The following MYH7B variants were observed in gnomAD, a reference collection of about 807,000 sequenced individuals.
The protein encoded by MYH7B is myosin-7B.
In MYH7B, 205 loss-of-function variants were observed where a neutral mutation model predicts 234.5. The ratio of observed to expected loss-of-function variants is 0.87; its 90% CI spans 0.78 to 0.98. MYH7B has a LOEUF of 0.98. Among genes scored for constraint, MYH7B ranks in the 50% least tolerant of loss-of-function variants. The probability of loss-of-function intolerance (pLI) is 0.00; values close to 1 mark genes in which losing one functional copy is unlikely to be tolerated. For synonymous variants in MYH7B, 1,193 were observed against 1,105.0 expected (o/e 1.08, Z -1.58); for missense variants, 2,652 against 2,633.4 (o/e 1.01, Z -0.15).
At chr20:34,971,438 A>C (rs2081793149) in intron 2 of MYH7B, among the ~76,000 whole-genome samples, 1 of 145,368 alleles carries the variant, frequency 6.9e-6, no homozygotes, top group Non-Finnish European at 1.5e-5. Context: ...ATGCTGAGGC[A>C]TCTCTCCTCT....
At chr20:35,001,915 C>T (rs748599481) in intron 43 of MYH7B, 33 bp from the exon 44 acceptor site, 4 of 1,599,028 alleles carry the variant, frequency 2.5e-6, no homozygotes, top group Non-Finnish European at 3.4e-6. Flanking sequence ...CTCAGTCACC[C>T]AAGCGGAACC....
intron 38 of MYH7B, 134 bp from the exon 39 acceptor site, chr20:35,000,149 CCACAGGCAGT>C: frequency 1.8e-6 from 2 of 1,097,588 alleles, no homozygotes. Context: ...CTCTGATGGG[CCACAGGCAGT>C]CACAAGAGAC....
intron 2 of MYH7B, among the ~76,000 whole-genome samples, chr20:34,964,622 A>C (rs1162268052): frequency 6.6e-6 from 1 of 152,188 alleles, no homozygotes. Flanking sequence ...AGTGAAGCCA[A>C]AAGAGAATTC....
exon 39 of MYH7B, chr20:35,000,689 G>A (rs1373638233): frequency 3.1e-6 from 5 of 1,595,390 alleles, no homozygotes; most frequent in Non-Finnish European, 4.3e-6. Context: ...TGCATTCGCA[G>A]GTGGGGACAG....
intron 24 of MYH7B, 94 bp from the exon 25 acceptor site, chr20:34,993,008 C>G (rs188678783): frequency 0.013 from 19,605 of 1,481,404 alleles, 163 homozygotes; most frequent in Non-Finnish European, 0.016. Context: ...CCCTGCTACC[C>G]ACACGAGCCT....
Position 34,986,959 on chromosome 20 carries a change from G to A in MYH7B, c.978G>A (p.Met326Ile), listed in dbSNP as rs1306170919. The A allele has an allele frequency of 6.2e-7, 1 of 1,613,942 alleles. No homozygotes were observed. Among genetic ancestry groups the A allele is most frequent in the East Asian group, 2.2e-5 (1 of 44,890 alleles). ...AGGGCGTCATCACCGTGGACAACATGAATGATGGGGAGGAGCTCATCGCCA... is the reference window on the plus strand; with the variant it reads ...AGGGCGTCATCACCGTGGACAACATAAATGATGGGGAGGAGCTCATCGCCA... The change falls in exon 15 of 45, where the codon ATG becomes ATA. Residue 326 changes from methionine (M) to isoleucine (I), a missense_variant. Physicochemically the swap from Met to Ile is conservative, Grantham distance 10. Coordinates refer to ENST00000262873, the Ensembl canonical transcript of MYH7B.
At chr20:34,989,207 A>G (rs769530826) in intron 19 of MYH7B, among the ~76,000 whole-genome samples, 4 of 152,220 alleles carry the variant, frequency 2.6e-5, no homozygotes, top group African/African-American at 7.2e-5. Context: ...TAGTTCATGC[A>G]GTGGATGAGT....
chr20:34,963,683 C>G (rs1176637986), intron 2 of MYH7B, among the ~76,000 whole-genome samples: 1 of 152,186 alleles, frequency 6.6e-6, no homozygotes, highest in African/African-American at 2.4e-5. Context: ...TTTACACTTA[C>G]TTTTTCTAAG....
At chr20:34,980,665 A>G in exon 8 of MYH7B, 1 of 1,614,196 alleles carries the variant, frequency 6.2e-7, no homozygotes, top group Non-Finnish European at 8.5e-7. Flanking sequence ...TTACAAGGGA[A>G]AGCGCCGCTC....
chr20:34,991,121 G>C, exon 24 of MYH7B: 1 of 1,601,324 alleles, frequency 6.2e-7, no homozygotes, highest in South Asian at 1.1e-5. Flanking sequence ...TTCCGGCAGC[G>C]GTGGGTGACC....
At chr20:34,986,004 C>T in intron 13 of MYH7B, 96 bp from the exon 14 acceptor site, 1 of 1,079,404 alleles carries the variant, frequency 9.3e-7, no homozygotes, top group Non-Finnish European at 1.4e-6. Flanking sequence ...CCCCCCTGCA[C>T]ACTCCCTGCC....
chr20:34,957,921 T>C (rs2081657117), intron 1 of MYH7B, among the ~76,000 whole-genome samples, 177 bp from the exon 2 acceptor site: 1 of 152,174 alleles, frequency 6.6e-6, no homozygotes, highest in African/African-American at 2.4e-5. Flanking sequence ...CCCAGAACAA[T>C]GTTTCCTGAT....
In MYH7B at chr20:34,990,120, A is replaced by C. The variant is rs540555506; in HGVS notation, c.1874A>C (p.Tyr625Ser). 6.0e-5 allele frequency: 97 copies of C among 1,614,002 alleles called. No individual in the cohort carries two copies. Among genetic ancestry groups the C allele is most frequent in the Non-Finnish European group, 7.8e-5 (92 of 1,180,024 alleles). Residue 625 changes from tyrosine (Y) to serine (S), a missense_variant, in exon 21 of 45, where the codon TAT (tyrosine) becomes TCT (serine). Physicochemically the swap from Tyr to Ser is moderately radical, Grantham distance 144. Transcript: ENST00000262873. ...CAGAATAGGCTCCTGGCGACTCTCT[A>C]TGAGAATTATGCGGGCTCCTGCTCC...
chr20:34,982,396 C>A, intron 9 of MYH7B, 63 bp from the exon 10 acceptor site: 1 of 1,392,972 alleles, frequency 7.2e-7, no homozygotes, highest in Non-Finnish European at 1.0e-6. Context: ...AGGGGTGAGG[C>A]ATTGGGGGTG....
intron 26 of MYH7B, 27 bp downstream of exon 26, chr20:34,993,497 AG>A: frequency 1.3e-6 from 2 of 1,551,994 alleles, no homozygotes; most frequent in Non-Finnish European, 8.7e-7. Context: ...GGCTGGGGAC[AG>A]GGTGTGTCCC....
intron 2 of MYH7B, among the ~76,000 whole-genome samples, chr20:34,958,550 C>T (rs957327328): frequency 1.3e-5 from 2 of 152,200 alleles, no homozygotes; most frequent in African/African-American, 4.8e-5. Flanking sequence ...ACTGCAACCT[C>T]TGTCTCCTGG....
rs201573745 is a variant in MYH7B at position 34,979,661 on chromosome 20, G to A, written c.199G>A (p.Val67Met). 153 of 1,614,144 alleles carry A rather than the reference G, an allele frequency of 9.5e-5. 2 individuals carry two copies. The East Asian group carries it at 2.6e-3, about 27-fold the overall frequency. ...GCCCCTGACACGATCTCCCTGGTAG[G>A]TGCTGATGGTGCGTGAAGCCGAGCT... The change falls in exon 7 of 45, where the codon GTG (valine) becomes ATG (methionine). Residue 67 changes from valine (V) to methionine (M), a missense_variant and splice_region_variant. By Grantham distance (21) the Val-to-Met change is conservative (BLOSUM62 1). Coordinates refer to ENST00000262873, the Ensembl canonical transcript of MYH7B.
exon 24 of MYH7B, chr20:34,991,004 G>C (rs1307550955): frequency 1.2e-6 from 2 of 1,610,918 alleles, no homozygotes; most frequent in South Asian, 1.1e-5. Flanking sequence ...TCACGTCCAG[G>C]GGTCATGGAT....
At chr20:34,969,015 G>C (rs1417584858) in intron 2 of MYH7B, among the ~76,000 whole-genome samples, 3 of 152,206 alleles carry the variant, frequency 2.0e-5, no homozygotes, top group Non-Finnish European at 4.4e-5. Flanking sequence ...CAGGGAAGAG[G>C]ACAGGAGCCT....
Sources: allele counts gnomAD v4.1 joint callset (sites outside exome capture counted in the v4.1 genomes callset), GRCh38; gene constraint gnomAD v4.1.1; transcripts MANE v1.5; gene names NCBI Gene and HGNC (gene_info 2026-07-23, HGNC 2026-07-21).